SERINC5: variants seen among roughly 807,000 people sequenced by gnomAD.
SERINC5 encodes serine incorporator 5.
In SERINC5, 41 loss-of-function variants were observed where a neutral mutation model predicts 63.1. The ratio of observed to expected loss-of-function variants is 0.65; its 90% CI spans 0.51 to 0.84. The LOEUF (loss-of-function observed/expected upper bound fraction) is 0.84, where lower values mean the gene tolerates loss of function less well. SERINC5 is among the 40% of genes least tolerant of loss of function. SERINC5 has a pLI of 0.00. For missense variants in SERINC5, 523 were observed against 573.0 expected, an observed-to-expected ratio of 0.91 and a Z score of 0.89; for synonymous variants, 222 against 215.2, an observed-to-expected ratio of 1.03 and a Z score of -0.28.
rs745509189 is a variant in SERINC5, at chr5:80,203,024, G to A, written c.57C>T (p.Cys19=). Residue 19 remains cysteine (C), a synonymous_variant, in exon 2 of 12, where the codon TGC becomes TGT. Coordinates refer to ENST00000507668, the MANE Select transcript of SERINC5 (RefSeq NM_001174072.3). ...QLACCCGSAG[C]SLCCDCCPRI... Reference sequence around the variant, plus strand: ...TGGGGCAGCAATCACAGCAGAGAGAGCAGCCTGCAGACCCACAGCAGCAGG... The same window carrying A: ...TGGGGCAGCAATCACAGCAGAGAGAACAGCCTGCAGACCCACAGCAGCAGG... 19 of 1,611,654 alleles carry A rather than the reference G, an allele frequency of 1.2e-5. No individual in the cohort carries two copies. In the Admixed American group the frequency reaches 3.2e-4, roughly 27 times the overall value.
intron 2 of SERINC5, among the ~76,000 whole-genome samples, chr5:80,185,533 A>C (rs907560688): frequency 6.5e-3 from 1 of 154 alleles, no homozygotes; most frequent in Non-Finnish European, 0.012. Context: ...AGGGACCACC[A>C]AACAGGCTTG....
intron 1 of SERINC5, among the ~76,000 whole-genome samples, chr5:80,207,505 G>C (rs945134267): frequency 6.6e-6 from 1 of 152,158 alleles, no homozygotes; most frequent in Non-Finnish European, 1.5e-5. Flanking sequence ...ATCATCTAAA[G>C]GCAGACAAAT....
intron 1 of SERINC5, among the ~76,000 whole-genome samples, chr5:80,206,242 C>A (rs960478475): frequency 2.6e-5 from 4 of 152,198 alleles, no homozygotes; most frequent in Non-Finnish European, 5.9e-5. Flanking sequence ...TGAGACTCTG[C>A]AAGGCTTCAA....
intron 7 of SERINC5, among the ~76,000 whole-genome samples, chr5:80,159,621 A>G (rs1163211153): frequency 3.9e-5 from 6 of 152,182 alleles, no homozygotes; most frequent in African/African-American, 1.4e-4. Flanking sequence ...TGGTCACCAG[A>G]AAGACCAAGG....
intron 12 of SERINC5, chr5:80,111,821 G>T (rs933949562): frequency 1.3e-5 from 2 of 152,264 alleles, no homozygotes; most frequent in African/African-American, 4.8e-5. Flanking sequence ...TTTGCCTTGA[G>T]ATGCTGTTAA....
intron 1 of SERINC5, among the ~76,000 whole-genome samples, chr5:80,224,047 C>T (rs1580188922): frequency 1.3e-5 from 2 of 148,562 alleles, no homozygotes; most frequent in South Asian, 2.1e-4. Flanking sequence ...GCAGGAGAAT[C>T]GCTTGAACCT....
At chr5:80,146,353 G>A in intron 10 of SERINC5, 119 bp from the exon 11 acceptor site, 2 of 1,191,010 alleles carry the variant, frequency 1.7e-6, no homozygotes, top group Non-Finnish European at 2.4e-6. Flanking sequence ...AAAGCCATCT[G>A]TACCCTCTGG....
At chr5:80,199,942 A>T (rs1749726094) in intron 2 of SERINC5, among the ~76,000 whole-genome samples, 1 of 152,210 alleles carries the variant, frequency 6.6e-6, no homozygotes, top group Non-Finnish European at 1.5e-5. Flanking sequence ...AAAAAACACA[A>T]GTAGTACATG....
rs1280604280 is a variant in SERINC5, at chr5:80,142,062, G to A, written c.*1601C>T. 1 of 985,316 alleles carries A rather than the reference G, an allele frequency of 1.0e-6. No homozygotes were observed. Among genetic ancestry groups the A allele is most frequent in the Non-Finnish European group, 1.2e-6 (1 of 829,904 alleles). The allele number at this position is 985,316 out of a possible 1,614,324, so 61.0% of individuals were successfully genotyped here. Reference sequence around the variant, plus strand: ...TCAATTCTGCCCAACTCATACAGTAGGGCACAGAAAAAAATGACTAGGCTG... The same window carrying A: ...TCAATTCTGCCCAACTCATACAGTAAGGCACAGAAAAAAATGACTAGGCTG... On this transcript the variant is annotated 3_prime_UTR_variant, in exon 12 of 12. Transcript: ENST00000507668.
chr5:80,232,264 C>T (rs1231247723), intron 1 of SERINC5, among the ~76,000 whole-genome samples: 1 of 151,132 alleles, frequency 6.6e-6, no homozygotes, highest in African/African-American at 2.4e-5. Flanking sequence ...AAAAGCCGGG[C>T]GTGGTGGCAG....
At chr5:80,245,333 C>T (rs1752123655) in intron 1 of SERINC5, among the ~76,000 whole-genome samples, 1 of 152,140 alleles carries the variant, frequency 6.6e-6, no homozygotes, top group Admixed American at 6.5e-5. Flanking sequence ...GGAAAGAGGA[C>T]CCACTCTCCC....
chr5:80,235,568 CTCAT>C (rs202096892), intron 1 of SERINC5, among the ~76,000 whole-genome samples: 1,942 of 152,242 alleles, frequency 0.013, 44 homozygotes, highest in African/African-American at 0.043. Context: ...TGAAAACTCT[CTCAT>C]TTTTAATGGT....
intron 2 of SERINC5, among the ~76,000 whole-genome samples, chr5:80,194,764 G>A (rs1395398341): frequency 6.6e-6 from 1 of 152,162 alleles, no homozygotes; most frequent in African/African-American, 2.4e-5. Context: ...GGATATGCTT[G>A]ATAAAAGGCA....
At chr5:80,247,690 T>A (rs991366500) in intron 1 of SERINC5, among the ~76,000 whole-genome samples, 11 of 152,204 alleles carry the variant, frequency 7.2e-5, no homozygotes, top group Non-Finnish European at 1.5e-4. Context: ...AAGACACTCC[T>A]AAGCCACCCT....
intron 1 of SERINC5, among the ~76,000 whole-genome samples, chr5:80,238,246 A>C (rs1262672296): frequency 6.6e-6 from 1 of 152,160 alleles, no homozygotes; most frequent in Non-Finnish European, 1.5e-5. Flanking sequence ...CTGCTAGGCA[A>C]AATGATTTGC....
At chr5:80,214,586 C>T (rs757045063) in intron 1 of SERINC5, among the ~76,000 whole-genome samples, 11 of 151,852 alleles carry the variant, frequency 7.2e-5, no homozygotes, top group African/African-American at 2.4e-4. Flanking sequence ...AAAAAAACAC[C>T]TCCTGTACTA....
At chr5:80,191,797 C>G (rs1306261890) in intron 2 of SERINC5, among the ~76,000 whole-genome samples, 1 of 150,822 alleles carries the variant, frequency 6.6e-6, no homozygotes, top group Non-Finnish European at 1.5e-5. Context: ...CCACATTATT[C>G]TTACCTAGTC....
intron 4 of SERINC5, among the ~76,000 whole-genome samples, chr5:80,177,111 G>A (rs1748084005): frequency 6.6e-6 from 1 of 152,130 alleles, no homozygotes; most frequent in African/African-American, 2.4e-5. Context: ...CACCCTACCT[G>A]GAAGTGGGAT....
chr5:80,165,376 T>C (rs1391920086), intron 7 of SERINC5, among the ~76,000 whole-genome samples: 2 of 152,198 alleles, frequency 1.3e-5, no homozygotes. Flanking sequence ...ACTTCAATTC[T>C]CTTAGACACT....
Sources: allele counts gnomAD v4.1 joint callset (sites outside exome capture counted in the v4.1 genomes callset), GRCh38; gene constraint gnomAD v4.1.1; transcripts MANE v1.5; gene names NCBI Gene and HGNC (gene_info 2026-07-23, HGNC 2026-07-21).